The following TMC1 variants were observed in gnomAD, a reference collection of about 807,000 sequenced individuals.
TMC1 encodes transmembrane channel like 1, also known as transmembrane channel-like protein 1.
In TMC1, 84 loss-of-function variants were observed where a neutral mutation model predicts 105.8. That is an observed-to-expected ratio of 0.79 (90% confidence interval 0.67 to 0.95). The LOEUF (loss-of-function observed/expected upper bound fraction) is 0.95, where lower values mean the gene tolerates loss of function less well. TMC1 is among the 40% of genes least tolerant of loss of function. The probability of loss-of-function intolerance (pLI) is 0.00; values close to 1 mark genes in which losing one functional copy is unlikely to be tolerated. For missense variants in TMC1, 817 were observed against 914.1 expected (o/e 0.89, Z 1.37); for synonymous variants, 315 against 311.5 (o/e 1.01, Z -0.12).
intron 1 of TMC1, among the ~76,000 whole-genome samples, chr9:72,540,776 T>C (rs751838361): frequency 3.3e-5 from 5 of 152,178 alleles, no homozygotes; most frequent in African/African-American, 1.2e-4. Flanking sequence ...ACAGGCCCCG[T>C]AGCTGAACTT....
At chr9:72,690,349 A>G (rs186765247) in intron 6 of TMC1, among the ~76,000 whole-genome samples, 1 of 152,220 alleles carries the variant, frequency 6.6e-6, no homozygotes, top group East Asian at 1.9e-4. Context: ...TTATAATACA[A>G]TTAAAAGTTA....
rs915631804 is a variant in TMC1 at position 72,521,640 on chromosome 9, G to A, written c.-701G>A. 1.3e-5 allele frequency: 2 copies of A among 152,154 alleles called. No homozygotes were observed. Among genetic ancestry groups the A allele is most frequent in the African/African-American group, 2.4e-5 (1 of 41,388 alleles). 9.4% of individuals were successfully genotyped at this position (152,154 alleles called of 1,614,324 possible). A position where few individuals can be genotyped will look rare whatever the true frequency, so the allele number is the denominator to read the frequency against. On this transcript the variant is annotated 5_prime_UTR_variant, in exon 1 of 24. Coordinates refer to ENST00000297784, the MANE Select transcript of TMC1 (RefSeq NM_138691.3). ...CGCGACTGTTTCCCATCTACTCAGA[G>A]GCTGAGGCGGGAGAATCGCTTGAAC...
In TMC1 at chr9:72,683,733, TTATATATATA is replaced by T. The variant is rs58007608; in HGVS notation, c.17-4944_17-4935del. Among the ~76,000 whole-genome samples, 137 of 53,396 alleles carry T rather than the reference TTATATATATA, an allele frequency of 2.6e-3. 4 individuals are homozygous for T. Among genetic ancestry groups the T allele is most frequent in the Middle Eastern group, 0.012 (1 of 82 alleles). The allele number at this position is 53,396 out of a possible 152,430, so 35.0% of individuals were successfully genotyped here. On this transcript the variant is annotated intron_variant, in intron 5 of 23. Coordinates refer to ENST00000297784, the MANE Select transcript of TMC1 (RefSeq NM_138691.3). The stretch of plus-strand genomic sequence containing the variant: ...TCTGAGTTAACCTGAGTTACACATT[TTATATATATA>T]TATATATATATATATATATATATAT...
chr9:72,705,027 C>A (rs1277149225), intron 8 of TMC1, among the ~76,000 whole-genome samples: 1 of 152,232 alleles, frequency 6.6e-6, no homozygotes, highest in South Asian at 2.1e-4. Flanking sequence ...TTAATCACAT[C>A]ATTTAAAAAT....
At chr9:72,768,646 A>G (rs1437704885) in intron 12 of TMC1, among the ~76,000 whole-genome samples, 1 of 151,734 alleles carries the variant, frequency 6.6e-6, no homozygotes, top group African/African-American at 2.4e-5. Context: ...CAAAACCAGA[A>G]CCATTCTTGG....
chr9:72,528,955 A>AT (rs915599633), intron 1 of TMC1, among the ~76,000 whole-genome samples: 242 of 150,020 alleles, frequency 1.6e-3, no homozygotes, highest in African/African-American at 5.0e-3. Flanking sequence ...ACATGTATAG[A>AT]TTTTTTTTTT....
At chr9:72,648,799 G>A in intron 5 of TMC1, 135 bp downstream of exon 5, 1 of 764,318 alleles carries the variant, frequency 1.3e-6, no homozygotes, top group Non-Finnish European at 2.3e-6. Context: ...ATTTTTTTCT[G>A]TGGGTAGTTT....
intron 8 of TMC1, among the ~76,000 whole-genome samples, chr9:72,716,929 A>T (rs978043905): frequency 9.9e-5 from 15 of 152,206 alleles, no homozygotes; most frequent in Admixed American, 9.8e-4. Flanking sequence ...CCTGGTCTGC[A>T]GGTTGTGAAG....
At chr9:72,632,752 A>G (rs1213397458) in intron 4 of TMC1, among the ~76,000 whole-genome samples, 2 of 152,224 alleles carry the variant, frequency 1.3e-5, no homozygotes, top group Non-Finnish European at 2.9e-5. Context: ...TCTTTAAACT[A>G]TATTAATTGT....
At chr9:72,770,946 T>C (rs1323502295) in intron 12 of TMC1, among the ~76,000 whole-genome samples, 1 of 152,178 alleles carries the variant, frequency 6.6e-6, no homozygotes, top group Non-Finnish European at 1.5e-5. Flanking sequence ...GCAATCTACT[T>C]TACTGAGTCC....
At chr9:72,555,973 C>CAAAAAAA (rs59431883) in intron 1 of TMC1, among the ~76,000 whole-genome samples, 10 of 42,578 alleles carry the variant, frequency 2.3e-4, no homozygotes, top group African/African-American at 7.6e-4. Context: ...ATGACTAAGG[C>CAAAAAAA]AAAAAAAAAA....
At chr9:72,790,289 TA>T (rs1404082079) in intron 15 of TMC1, among the ~76,000 whole-genome samples, 2 of 152,182 alleles carry the variant, frequency 1.3e-5, no homozygotes, top group Non-Finnish European at 2.9e-5. Context: ...GCAAATGATA[TA>T]ATCTACTTAC....
chr9:72,712,938 GA>G (rs1826859358), intron 8 of TMC1, among the ~76,000 whole-genome samples: 2 of 152,162 alleles, frequency 1.3e-5, no homozygotes, highest in Non-Finnish European at 2.9e-5. Context: ...ATTATTTTGA[GA>G]TACATTCCTT....
intron 21 of TMC1, among the ~76,000 whole-genome samples, chr9:72,829,514 C>G (rs370971509): frequency 6.6e-6 from 1 of 152,224 alleles, no homozygotes; most frequent in African/African-American, 2.4e-5. Flanking sequence ...AACACACACA[C>G]ACACAAACAT....
At chr9:72,568,791 A>G (rs1434362583) in intron 1 of TMC1, among the ~76,000 whole-genome samples, 1 of 152,238 alleles carries the variant, frequency 6.6e-6, no homozygotes, top group Admixed American at 6.5e-5. Context: ...CTTCTCTGAA[A>G]TAAAAGTGTA....
intron 18 of TMC1, among the ~76,000 whole-genome samples, chr9:72,809,559 TA>T (rs1307517567): frequency 3.9e-5 from 6 of 152,202 alleles, no homozygotes; most frequent in Admixed American, 3.9e-4. Flanking sequence ...TGCTAGGTGA[TA>T]AAGGAATACA....
At position 72,836,681 on chromosome 9, in the gene TMC1, C is replaced by A. The variant is rs1196233782; in HGVS notation, c.*708C>A. 6.6e-6 allele frequency: 1 copy of A among 151,770 alleles called. No individual in the cohort carries two copies. Among genetic ancestry groups the A allele is most frequent in the African/African-American group, 2.4e-5 (1 of 41,278 alleles). The allele number at this position is 151,770 out of a possible 1,614,324, so 9.4% of individuals were successfully genotyped here. ...GGTACATGAGTCTTACACAACCTAGCTTTTTATGAGATAAAATTAAAAAAA... is the reference window on the plus strand; with the variant it reads ...GGTACATGAGTCTTACACAACCTAGATTTTTATGAGATAAAATTAAAAAAA... On this transcript the variant is annotated 3_prime_UTR_variant, in exon 24 of 24. Coordinates refer to ENST00000297784, the MANE Select transcript of TMC1 (RefSeq NM_138691.3).
At chr9:72,603,854 T>TTTTTG in intron 2 of TMC1, among the ~76,000 whole-genome samples, 1 of 140,196 alleles carries the variant, frequency 7.1e-6, no homozygotes, top group Non-Finnish European at 1.5e-5. Context: ...GGCTGTTTTT[T>TTTTTG]TTTTTTTTTT....
At chr9:72,703,151 G>A (rs72733034) in intron 8 of TMC1, among the ~76,000 whole-genome samples, 10,225 of 151,352 alleles carry the variant, frequency 0.068, 456 homozygotes, top group Non-Finnish European at 0.11. Context: ...CTCGAGACAG[G>A]GTCTTAACTC....
Sources: allele counts gnomAD v4.1 joint callset (sites outside exome capture counted in the v4.1 genomes callset), GRCh38; gene constraint gnomAD v4.1.1; transcripts MANE v1.5; gene names NCBI Gene and HGNC (gene_info 2026-07-23, HGNC 2026-07-21).